EXOC6B: variants seen among roughly 807,000 people sequenced by gnomAD.
The protein encoded by EXOC6B is SEC15 homolog B.
A neutral mutation model predicts 113.5 loss-of-function variants in EXOC6B; 54 were observed. The ratio of observed to expected loss-of-function variants is 0.48; its 90% confidence interval spans 0.38 to 0.60. EXOC6B has a LOEUF of 0.60. Among genes scored for constraint, EXOC6B ranks in the 20% least tolerant of loss-of-function variants. EXOC6B has a pLI of 0.00. For missense variants in EXOC6B, 797 were observed against 977.5 expected (o/e 0.82, Z 2.46); for synonymous variants, 357 against 339.0 (o/e 1.05, Z -0.58).
At chr2:72,578,609 G>A (rs1705019341) in intron 6 of EXOC6B, among the ~76,000 whole-genome samples, 1 of 152,036 alleles carries the variant, frequency 6.6e-6, no homozygotes, top group South Asian at 2.1e-4. Context: ...TCAAACACGT[G>A]TTAAAAGTCT....
intron 18 of EXOC6B, among the ~76,000 whole-genome samples, chr2:72,456,656 T>C (rs538219117): frequency 2.5e-4 from 38 of 152,288 alleles, no homozygotes; most frequent in African/African-American, 7.7e-4. Flanking sequence ...GTTTATGGTC[T>C]CATCATAAAA....
At chr2:72,783,318 C>CTTTTTTTTTTTTTTTTT (rs70963146) in intron 1 of EXOC6B, among the ~76,000 whole-genome samples, 2 of 60,412 alleles carry the variant, frequency 3.3e-5, no homozygotes, top group African/African-American at 6.8e-5. Context: ...TTTTTCTTTT[C>CTTTTTTTTTTTTTTTTT]TTTTTTTTTT....
intron 1 of EXOC6B, among the ~76,000 whole-genome samples, chr2:72,764,144 T>C (rs941702547): frequency 6.6e-6 from 1 of 152,104 alleles, no homozygotes; most frequent in Admixed American, 6.5e-5. Flanking sequence ...ATTTTAGATA[T>C]TGTCTATTTC....
intron 18 of EXOC6B, among the ~76,000 whole-genome samples, chr2:72,435,216 T>C (rs1369886139): frequency 1.3e-5 from 2 of 152,220 alleles, no homozygotes; most frequent in Non-Finnish European, 2.9e-5. Context: ...TTGTGTTGTT[T>C]TGAGTGAGTT....
rs973877876 is a variant in EXOC6B at position 72,766,000 on chromosome 2, C to T, written c.114-24531G>A. On this transcript the variant is annotated intron_variant, in intron 1 of 21. Transcript: ENST00000272427. Reference sequence around the variant, plus strand: ...CATAGCACTGTTATTATTTTCTCAACACATTTGCTGAATTCTTAAGCTATA... The same window carrying T: ...CATAGCACTGTTATTATTTTCTCAATACATTTGCTGAATTCTTAAGCTATA... Among the ~76,000 whole-genome samples, 19 of 152,320 alleles carry T rather than the reference C, an allele frequency of 1.2e-4. No homozygotes were observed. In the East Asian group the frequency reaches 3.3e-3, roughly 26 times the overall value.
At chr2:72,454,262 G>T (rs533000549) in intron 18 of EXOC6B, among the ~76,000 whole-genome samples, 1 of 152,034 alleles carries the variant, frequency 6.6e-6, no homozygotes, top group Non-Finnish European at 1.5e-5. Flanking sequence ...CTAGCACTGC[G>T]GGAGGCCAAG....
intron 6 of EXOC6B, among the ~76,000 whole-genome samples, chr2:72,613,392 G>A (rs1243304275): frequency 6.6e-6 from 1 of 151,816 alleles, no homozygotes; most frequent in Non-Finnish European, 1.5e-5. Context: ...CCCAGATAAG[G>A]AAGTTAATTG....
chr2:72,241,743 A>C (rs1682324250), intron 20 of EXOC6B, among the ~76,000 whole-genome samples: 1 of 152,184 alleles, frequency 6.6e-6, no homozygotes, highest in South Asian at 2.1e-4. Context: ...TCCACCAATA[A>C]AGAATTCTAG....
chr2:72,767,656 C>CA (rs1490090591), intron 1 of EXOC6B, among the ~76,000 whole-genome samples: 1 of 148,992 alleles, frequency 6.7e-6, no homozygotes, highest in Non-Finnish European at 1.5e-5. Context: ...CAAAAAATAC[C>CA]AAAAAAGTTA....
intron 6 of EXOC6B, among the ~76,000 whole-genome samples, chr2:72,616,888 C>A (rs892086115): frequency 1.3e-5 from 2 of 152,182 alleles, no homozygotes; most frequent in Non-Finnish European, 2.9e-5. Flanking sequence ...CAAAAGTCCA[C>A]TGGCCAAAAT....
chr2:72,623,857 C>T (rs927665975), intron 6 of EXOC6B, among the ~76,000 whole-genome samples: 8 of 152,202 alleles, frequency 5.3e-5, no homozygotes, highest in Non-Finnish European at 1.0e-4. Flanking sequence ...CTTGCTGTAA[C>T]CTTCCCATAA....
At chr2:72,369,240 A>T (rs1690848416) in intron 19 of EXOC6B, among the ~76,000 whole-genome samples, 2 of 152,238 alleles carry the variant, frequency 1.3e-5, no homozygotes, top group Non-Finnish European at 2.9e-5. Flanking sequence ...GAGCCAAATC[A>T]TGAGTGAACT....
At chr2:72,219,325 T>C (rs1364104081) in intron 20 of EXOC6B, among the ~76,000 whole-genome samples, 21 of 152,096 alleles carry the variant, frequency 1.4e-4, no homozygotes, top group Admixed American at 1.3e-3. Flanking sequence ...TCAATGATCA[T>C]TACCAGATCT....
At chr2:72,587,249 A>G (rs1457052863) in intron 6 of EXOC6B, among the ~76,000 whole-genome samples, 1 of 152,208 alleles carries the variant, frequency 6.6e-6, no homozygotes, top group Non-Finnish European at 1.5e-5. Context: ...AAGTAATGAA[A>G]TCATGTCCTT....
At chr2:72,371,364 T>C (rs1691004384) in intron 19 of EXOC6B, among the ~76,000 whole-genome samples, 1 of 152,140 alleles carries the variant, frequency 6.6e-6, no homozygotes, top group Non-Finnish European at 1.5e-5. Context: ...ACCCTGATAC[T>C]AAAATCAAAG....
intron 6 of EXOC6B, among the ~76,000 whole-genome samples, chr2:72,688,740 A>C (rs750659260): frequency 2.6e-5 from 4 of 152,200 alleles, no homozygotes; most frequent in Non-Finnish European, 5.9e-5. Flanking sequence ...AACTGAGCTA[A>C]TCTGTGTCAC....
Position 72,783,318 on chromosome 2 carries a change from C to CTTTTTTTTTTTTTTT in EXOC6B, c.114-41864_114-41850dup, listed in dbSNP as rs70963146. 7.5e-4 allele frequency among the ~76,000 whole-genome samples: 45 copies of CTTTTTTTTTTTTTTT among 60,390 alleles called. 1 individual carries two copies. Among genetic ancestry groups the CTTTTTTTTTTTTTTT allele is most frequent in the African/African-American group, 7.5e-4 (11 of 14,632 alleles). The allele number at this position is 60,390 out of a possible 152,430, so 39.6% of individuals were successfully genotyped here. On this transcript the variant is annotated intron_variant, in intron 1 of 21. Transcript: ENST00000272427. Reference sequence around the variant, plus strand: ...CCTGTTGGTCACTTCTTTTTCTTTTCTTTTTTTTTTTTTTTTTTTTTTTTG... The same window carrying CTTTTTTTTTTTTTTT: ...CCTGTTGGTCACTTCTTTTTCTTTTCTTTTTTTTTTTTTTTTTTTTTTTTTTTTTTTTTTTTTTTG...
intron 20 of EXOC6B, among the ~76,000 whole-genome samples, chr2:72,303,576 G>A (rs1686661503): frequency 6.6e-6 from 1 of 151,754 alleles, no homozygotes; most frequent in African/African-American, 2.4e-5. Context: ...TTGTCTTTCT[G>A]CTTCTGTATC....
chr2:72,183,159 G>A (rs1275161628), intron 21 of EXOC6B, among the ~76,000 whole-genome samples: 2 of 152,108 alleles, frequency 1.3e-5, no homozygotes, highest in Admixed American at 6.5e-5. Context: ...CCTGGACTCT[G>A]AGCCTTGTCT....
Sources: allele counts gnomAD v4.1 joint callset (sites outside exome capture counted in the v4.1 genomes callset), GRCh38; gene constraint gnomAD v4.1.1; transcripts MANE v1.5; gene names NCBI Gene and HGNC (gene_info 2026-07-23, HGNC 2026-07-21).